Variants in UGT2B15 observed in about 807,000 individuals in gnomAD.
UGT2B15 encodes UDP-glucuronosyltransferase 2B15.
In UGT2B15, 36 loss-of-function variants were observed where a neutral mutation model predicts 45.9. The ratio of observed to expected loss-of-function variants is 0.78; its 90% CI spans 0.60 to 1.04. UGT2B15 has a LOEUF of 1.04. UGT2B15 is among the 50% of genes least tolerant of loss of function. UGT2B15 has a pLI of 0.00. For synonymous variants in UGT2B15, 219 were observed against 216.4 expected (o/e 1.01, Z -0.11); for missense variants, 617 against 622.4 (o/e 0.99, Z 0.09).
At chr4:68,665,739 T>G (rs948509382) in intron 2 of UGT2B15, among the ~76,000 whole-genome samples, 1 of 152,284 alleles carries the variant, frequency 6.6e-6, no homozygotes, top group African/African-American at 2.4e-5. Flanking sequence ...ATTATTTACT[T>G]GGATTCAAGT....
intron 3 of UGT2B15, among the ~76,000 whole-genome samples, chr4:68,655,464 C>T (rs757611156): frequency 6.6e-6 from 1 of 152,062 alleles, no homozygotes; most frequent in Non-Finnish European, 1.5e-5. Context: ...TAAATCTTGG[C>T]AACCCAAACT....
rs369548930 is a variant in UGT2B15 at position 68,665,477 on chromosome 4, GT to G, written c.874-2339del. ...GTAAGATATTTGAATTATTTCCAGA[GT>G]TTTTTTAATGAGTATTTGCTACCGA... On this transcript the variant is annotated intron_variant, in intron 2 of 5. Transcript: ENST00000338206. 2.0e-3 allele frequency among the ~76,000 whole-genome samples: 306 copies of G among 151,966 alleles called. 1 individual carries two copies. The highest frequency in any genetic ancestry group is 0.01 in the Middle Eastern group (3 of 294).
chr4:68,662,386 C>T lies in UGT2B15; in HGVS notation c.1005+622G>A, dbSNP rs1304531858. Among the ~76,000 whole-genome samples, 5 of 143,450 alleles carry T rather than the reference C, an allele frequency of 3.5e-5. No homozygotes were observed. The East Asian group carries it at 1.1e-3, about 31-fold the overall frequency. 94.1% of individuals were successfully genotyped at this position (143,450 alleles called of 152,430 possible). ...GCGGCACCCAAGTCAGCAGAGCAGA[C>T]AAGTTTTTTTTTTTTTTCTCTAAAT... On this transcript the variant is annotated intron_variant, in intron 3 of 5. Coordinates refer to ENST00000338206, the MANE Select transcript of UGT2B15 (RefSeq NM_001076.4).
chr4:68,656,250 A>G (rs1732801612), intron 3 of UGT2B15, among the ~76,000 whole-genome samples: 1 of 152,100 alleles, frequency 6.6e-6, no homozygotes. Flanking sequence ...TCCTGATTCT[A>G]GGATGGCAGA....
At position 68,657,896 on chromosome 4, in the gene UGT2B15, T is replaced by C. The variant is rs1484268995; in HGVS notation, c.1006-2714A>G. ...GTGTGTACATGTGTTTGCATATATT[T>C]AAAAGGCCATTATAATTTCTATAAT... is the stretch of plus-strand genomic sequence containing the variant. On this transcript the variant is annotated intron_variant, in intron 3 of 5. Transcript: ENST00000338206. 2.6e-5 allele frequency among the ~76,000 whole-genome samples: 4 copies of C among 152,222 alleles called. No individual in the cohort carries two copies. In the East Asian group the frequency reaches 7.7e-4, roughly 29 times the overall value.
At chr4:68,651,064 G>A (rs1344970796) in intron 5 of UGT2B15, among the ~76,000 whole-genome samples, 1 of 145,744 alleles carries the variant, frequency 6.9e-6, no homozygotes, top group Non-Finnish European at 1.5e-5. Flanking sequence ...CTTTGTCAGA[G>A]GGATAGATTG....
At position 68,646,675 on chromosome 4, in the gene UGT2B15, T is replaced by C. The variant is rs534192444; in HGVS notation, c.*429A>G. ...GACACTTTATTTTCAGATCCAATAC[T>C]AGAAGTTGTTTCCATGTTCACATTT... is the stretch of plus-strand genomic sequence containing the variant. On this transcript the variant is annotated 3_prime_UTR_variant, in exon 6 of 6. Coordinates refer to ENST00000338206, the MANE Select transcript of UGT2B15 (RefSeq NM_001076.4). The C allele has an allele frequency of 6.5e-6, 1 of 153,278 alleles. No individual in the cohort carries two copies. The highest frequency in any genetic ancestry group is 1.9e-4 in the East Asian group (1 of 5,198). 9.5% of individuals were successfully genotyped at this position (153,278 alleles called of 1,614,324 possible).
chr4:68,652,499 A>C (rs1207403149), intron 5 of UGT2B15, among the ~76,000 whole-genome samples: 1 of 151,212 alleles, frequency 6.6e-6, no homozygotes, highest in Non-Finnish European at 1.5e-5. Context: ...TTCTTGTCTT[A>C]CTAATTTTTT....
intron 5 of UGT2B15, among the ~76,000 whole-genome samples, chr4:68,652,003 G>C (rs746831982): frequency 6.6e-6 from 1 of 152,084 alleles, no homozygotes; most frequent in Non-Finnish European, 1.5e-5. Context: ...TTTTATCCAT[G>C]AGGATGGAAT....
At chr4:68,663,946 T>C (rs191517636) in intron 2 of UGT2B15, among the ~76,000 whole-genome samples, 88 of 152,250 alleles carry the variant, frequency 5.8e-4, no homozygotes, top group Non-Finnish European at 1.0e-3. Context: ...TGCTTAGGTA[T>C]GACTATGACA....
chr4:68,661,983 A>C (rs1270387284), intron 3 of UGT2B15, among the ~76,000 whole-genome samples: 1 of 152,052 alleles, frequency 6.6e-6, no homozygotes, highest in Non-Finnish European at 1.5e-5. Context: ...GTACCAAACT[A>C]AGGTACTGAT....
chr4:68,647,351 A>G lies in UGT2B15; in HGVS notation c.1346T>C (p.Ile449Thr), dbSNP rs372924585. 6 of 1,613,298 alleles carry G rather than the reference A, an allele frequency of 3.7e-6. No homozygotes were observed. Among genetic ancestry groups the G allele is most frequent in the Non-Finnish European group, 5.1e-6 (6 of 1,179,594 alleles). The change falls in exon 6 of 6, where the codon ATT becomes ACT. Residue 449 changes from isoleucine (I) to threonine (T), a missense_variant. Transcript: ENST00000338206. ...YKENVMKLSR[I>T]HHDQPMKPLD... is the part of the protein sequence containing the mutation. Reference sequence around the variant, plus strand: ...GGGCTTCATTGGTTGGTCATGATGAATTCTTGATAATTTCATGACATTCTC... The same window carrying G: ...GGGCTTCATTGGTTGGTCATGATGAGTTCTTGATAATTTCATGACATTCTC...
intron 2 of UGT2B15, among the ~76,000 whole-genome samples, chr4:68,664,192 T>A (rs1355527507): frequency 1.3e-5 from 2 of 151,876 alleles, no homozygotes; most frequent in Non-Finnish European, 2.9e-5. Context: ...TTCTGACTTG[T>A]GTTTCCTGAT....
chr4:68,657,357 G>A (rs549654510), intron 3 of UGT2B15, among the ~76,000 whole-genome samples: 1 of 152,206 alleles, frequency 6.6e-6, no homozygotes, highest in South Asian at 2.1e-4. Context: ...AGCATTTTGA[G>A]CCCTCTCAGA....
At chr4:68,653,145 T>C (rs1026516769) in intron 5 of UGT2B15, among the ~76,000 whole-genome samples, 3 of 152,004 alleles carry the variant, frequency 2.0e-5, no homozygotes, top group Non-Finnish European at 2.9e-5. Context: ...TCTCAGCAAG[T>C]CCACTCCTAG....
chr4:68,651,076 A>G (rs1732640499), intron 5 of UGT2B15, among the ~76,000 whole-genome samples: 1 of 148,850 alleles, frequency 6.7e-6, no homozygotes, highest in African/African-American at 2.5e-5. Context: ...GATAGATTGC[A>G]AAAATCTTCC....
At chr4:68,666,795 G>A (rs544268185) in intron 2 of UGT2B15, among the ~76,000 whole-genome samples, 5 of 145,992 alleles carry the variant, frequency 3.4e-5, no homozygotes, top group Non-Finnish European at 7.5e-5. Flanking sequence ...TGCCCAGGCT[G>A]GAGTGCAATA....
At chr4:68,661,379 G>A (rs1312243974) in intron 3 of UGT2B15, among the ~76,000 whole-genome samples, 1 of 151,734 alleles carries the variant, frequency 6.6e-6, no homozygotes, top group Non-Finnish European at 1.5e-5. Context: ...AGATATTTGG[G>A]GTTCACAAGA....
At chr4:68,660,989 C>A (rs1174166355) in intron 3 of UGT2B15, among the ~76,000 whole-genome samples, 1 of 151,846 alleles carries the variant, frequency 6.6e-6, no homozygotes, top group Non-Finnish European at 1.5e-5. Flanking sequence ...TCCCTTTCTC[C>A]CTTTATTTTG....
Sources: allele counts gnomAD v4.1 joint callset (sites outside exome capture counted in the v4.1 genomes callset), GRCh38; gene constraint gnomAD v4.1.1; transcripts MANE v1.5; gene names NCBI Gene and HGNC (gene_info 2026-07-23, HGNC 2026-07-21).